Variants in KIFC3 observed in about 807,000 individuals in gnomAD.
KIFC3 encodes kinesin-like protein KIFC3.
KIFC3 carries 60 observed loss-of-function variants against 101.8 expected under a neutral mutation model. The ratio of observed to expected loss-of-function variants is 0.59; its 90% CI spans 0.48 to 0.73. KIFC3 has a LOEUF of 0.73. Among genes scored for constraint, KIFC3 ranks in the 30% least tolerant of loss-of-function variants. The pLI is 0.00. For missense variants in KIFC3, 966 were observed against 1,137.1 expected (o/e 0.85, Z 2.16); for synonymous variants, 476 against 482.7 (o/e 0.99, Z 0.18).
At chr16:57,775,047 A>G (rs2051861074) in intron 3 of KIFC3, 1 of 1,522,122 alleles carries the variant, frequency 6.6e-7, no homozygotes, top group Non-Finnish European at 8.8e-7. Flanking sequence ...GGGGTTTGCC[A>G]GTGTTTGCTG....
intron 1 of KIFC3, among the ~76,000 whole-genome samples, chr16:57,824,107 G>T (rs1156506444): frequency 6.6e-6 from 1 of 152,222 alleles, no homozygotes; most frequent in African/African-American, 2.4e-5. Flanking sequence ...TTTGCCTGGG[G>T]TTGTCCTGGT....
chr16:57,834,691 T>A (rs1555480018), intron 1 of KIFC3, among the ~76,000 whole-genome samples: 1 of 152,154 alleles, frequency 6.6e-6, no homozygotes, highest in East Asian at 1.9e-4. Context: ...TTTTATTTTT[T>A]ATTTTTGTAG....
chr16:57,853,231 C>T (rs375913794), intron 1 of KIFC3, among the ~76,000 whole-genome samples: 1 of 151,968 alleles, frequency 6.6e-6, no homozygotes, highest in Non-Finnish European at 1.5e-5. Context: ...CCAGCCTGGC[C>T]AACATGGTGA....
chr16:57,845,769 G>A (rs1183734495), intron 1 of KIFC3, among the ~76,000 whole-genome samples: 2 of 152,074 alleles, frequency 1.3e-5, no homozygotes, highest in African/African-American at 4.8e-5. Flanking sequence ...TTTAGTCTTC[G>A]CACTTAACAC....
chr16:57,770,424 G>A (rs961882004), intron 7 of KIFC3, 103 bp downstream of exon 7: 12 of 1,067,572 alleles, frequency 1.1e-5, no homozygotes, highest in South Asian at 2.4e-5. Flanking sequence ...GGAGGGACTG[G>A]ACCCCGTGTC....
intron 12 of KIFC3, among the ~76,000 whole-genome samples, chr16:57,762,650 G>A (rs2050003306): frequency 6.6e-6 from 1 of 152,162 alleles, no homozygotes. Context: ...GTCTCAGGGA[G>A]GCTGAGACCT....
At chr16:57,807,634 C>T (rs1236780927), upstream of KIFC3, 1 of 152,188 alleles carries the variant, frequency 6.6e-6, no homozygotes. Context: ...ACAGTTCTCC[C>T]ATTTTCAGAG....
chr16:57,807,447 G>A (rs1318957702), upstream of KIFC3, among the ~76,000 whole-genome samples: 2 of 152,180 alleles, frequency 1.3e-5, no homozygotes, highest in African/African-American at 4.8e-5. Context: ...GGTCTTGGAT[G>A]TCCCTTGACT....
chr16:57,760,218 C>A, intron 17 of KIFC3, 64 bp downstream of exon 17: 1 of 1,556,604 alleles, frequency 6.4e-7, no homozygotes, highest in Admixed American at 1.8e-5. Context: ...GCTCCCTGCT[C>A]CTGCCATGAC....
At chr16:57,860,395 G>A in intron 1 of KIFC3, among the ~76,000 whole-genome samples, 1 of 152,206 alleles carries the variant, frequency 6.6e-6, no homozygotes, top group East Asian at 1.9e-4. Context: ...GGAGGTTGCA[G>A]TGAGCCAAAG....
At chr16:57,784,985 C>T (rs2053167577) in intron 3 of KIFC3, among the ~76,000 whole-genome samples, 1 of 152,248 alleles carries the variant, frequency 6.6e-6, no homozygotes, top group Admixed American at 6.5e-5. Context: ...CCAACATGCA[C>T]TCAAACTAGC....
chr16:57,799,486 G>A (rs782508896), intron 1 of KIFC3, among the ~76,000 whole-genome samples: 13 of 152,068 alleles, frequency 8.5e-5, no homozygotes, highest in Non-Finnish European at 1.8e-4. Flanking sequence ...ACCCACTATG[G>A]GCCCACACAC....
intron 1 of KIFC3, chr16:57,830,478 C>G (rs1209104636): frequency 1.3e-5 from 2 of 151,842 alleles, no homozygotes; most frequent in Non-Finnish European, 2.9e-5. Context: ...ACCTCATGAT[C>G]CACCCACCTC....
chr16:57,798,836 C>T (rs992917271), intron 1 of KIFC3, among the ~76,000 whole-genome samples: 1 of 152,216 alleles, frequency 6.6e-6, no homozygotes, highest in Non-Finnish European at 1.5e-5. Context: ...AGTAAGTTCT[C>T]ATTCATGTAT....
intron 12 of KIFC3, among the ~76,000 whole-genome samples, chr16:57,762,635 G>A (rs1229994400): frequency 3.9e-5 from 6 of 152,114 alleles, no homozygotes; most frequent in Admixed American, 6.5e-5. Context: ...CCAGAAAGGC[G>A]CTCAGTCTCA....
At chr16:57,772,141 T>A in intron 4 of KIFC3, 82 bp downstream of exon 4, 1 of 1,210,528 alleles carries the variant, frequency 8.3e-7, no homozygotes, top group Middle Eastern at 2.6e-4. Context: ...AGAGAGAGGG[T>A]CGCACCCCTG....
At chr16:57,799,862 C>G (rs2054608630) in intron 1 of KIFC3, among the ~76,000 whole-genome samples, 1 of 152,082 alleles carries the variant, frequency 6.6e-6, no homozygotes, top group Non-Finnish European at 1.5e-5. Context: ...TGCATCATGC[C>G]AAAGAGACGT....
At position 57,855,649 on chromosome 16, in the gene KIFC3, T is replaced by C. The variant is rs574305319; in HGVS notation, c.108+7080A>G. On this transcript the variant is annotated intron_variant, in intron 1 of 2. Coordinates refer to the KIFC3 transcript ENST00000563028. ...AAGCAGAAGCAAAGAAATAATAACA[T>C]TAAGAGCAGAACTTGGCCAGGTGTG... 4.6e-5 allele frequency among the ~76,000 whole-genome samples: 7 copies of C among 151,570 alleles called. No individual in the cohort carries two copies. In the East Asian group the frequency reaches 1.2e-3, roughly 25 times the overall value.
intron 3 of KIFC3, among the ~76,000 whole-genome samples, chr16:57,783,533 C>T (rs1339945738): frequency 2.8e-5 from 4 of 141,426 alleles, no homozygotes; most frequent in African/African-American, 1.1e-4. Context: ...AGTGCAGTGG[C>T]GTGATCTCAG....
Sources: allele counts gnomAD v4.1 joint callset (sites outside exome capture counted in the v4.1 genomes callset), GRCh38; gene constraint gnomAD v4.1.1; transcripts MANE v1.5; gene names NCBI Gene and HGNC (gene_info 2026-07-23, HGNC 2026-07-21).